Variants in C11orf65 observed in about 807,000 individuals in gnomAD.
C11orf65 encodes protein MFI.
In C11orf65, 38 loss-of-function variants were observed where a neutral mutation model predicts 35.3. That is an observed-to-expected ratio of 1.08 (90% CI 0.83 to 1.41). The LOEUF (loss-of-function observed/expected upper bound fraction) is 1.41, where lower values mean the gene tolerates loss of function less well. Ranked by LOEUF, C11orf65 falls within the 40% of genes most tolerant of loss-of-function variation. The pLI is 0.00. For missense variants in C11orf65, 370 were observed against 367.1 expected (o/e 1.01, Z -0.06); for synonymous variants, 105 against 114.4 (o/e 0.92, Z 0.53).
At chr11:108,445,034 C>A (rs1299907628) in intron 2 of C11orf65, among the ~76,000 whole-genome samples, 1 of 152,192 alleles carries the variant, frequency 6.6e-6, no homozygotes, top group Non-Finnish European at 1.5e-5. Context: ...GATCAAACTG[C>A]AAGGCAGCAG....
At chr11:108,375,041 G>C (rs2091684846) in intron 2 of C11orf65, among the ~76,000 whole-genome samples, 1 of 152,172 alleles carries the variant, frequency 6.6e-6, no homozygotes, top group Non-Finnish European at 1.5e-5. Flanking sequence ...GGGGAGAATG[G>C]AACCAAGATG....
intron 2 of C11orf65, among the ~76,000 whole-genome samples, chr11:108,448,959 C>G (rs1457348056): frequency 2.0e-5 from 3 of 152,082 alleles, no homozygotes; most frequent in Admixed American, 2.0e-4. Context: ...AATCAATGTA[C>G]AAAAATCAGA....
At chr11:108,463,496 A>G (rs1029935899) in intron 1 of C11orf65, among the ~76,000 whole-genome samples, 1 of 152,198 alleles carries the variant, frequency 6.6e-6, no homozygotes, top group Non-Finnish European at 1.5e-5. Flanking sequence ...TAGCCTTATT[A>G]ATATAGGAGG....
intron 3 of C11orf65, among the ~76,000 whole-genome samples, chr11:108,417,502 G>A (rs1341059184): frequency 2.6e-5 from 4 of 151,496 alleles, no homozygotes; most frequent in East Asian, 1.9e-4. Flanking sequence ...GAGATAGATA[G>A]TGCCACTTCA....
Position 108,424,577 on chromosome 11 carries a change from C to T in C11orf65, c.174+7169G>A, listed in dbSNP as rs181953177. On this transcript the variant is annotated intron_variant, in intron 3 of 8. Coordinates refer to ENST00000393084, the MANE Select transcript of C11orf65 (RefSeq NM_152587.5). ...CAATAATTATGGGAGACTTTAACAC[C>T]CCCCTGTCAACATTAGACAGATCAA... Among the ~76,000 whole-genome samples the T allele has an allele frequency of 1.3e-3, 195 of 152,072 alleles. 1 individual carries two copies. Among genetic ancestry groups the T allele is most frequent in the African/African-American group, 4.4e-3 (181 of 41,476 alleles).
At chr11:108,442,269 T>C (rs2093166791) in intron 2 of C11orf65, among the ~76,000 whole-genome samples, 1 of 151,752 alleles carries the variant, frequency 6.6e-6, no homozygotes, top group Admixed American at 6.6e-5. Flanking sequence ...GAAGAGAAGT[T>C]TAGAGAAAAA....
intron 2 of C11orf65, among the ~76,000 whole-genome samples, chr11:108,356,622 A>G (rs770682300): frequency 1.5e-4 from 23 of 151,580 alleles, no homozygotes; most frequent in Non-Finnish European, 3.4e-4. Flanking sequence ...ATTTTACTCT[A>G]CCTAGTTTCA....
At chr11:108,377,935 G>A (rs1323403754), downstream of C11orf65, among the ~76,000 whole-genome samples, 2 of 151,704 alleles carry the variant, frequency 1.3e-5, no homozygotes, top group Non-Finnish European at 1.5e-5. Flanking sequence ...GGATGTGAAG[G>A]ACCTCTTCAA....
chr11:108,314,982 A>G (rs746965297), intron 6 of C11orf65, among the ~76,000 whole-genome samples: 2 of 152,192 alleles, frequency 1.3e-5, no homozygotes, highest in Non-Finnish European at 1.5e-5. Context: ...GTATCAAACA[A>G]TTCACCTTTT....
At chr11:108,440,676 T>C (rs1471385730) in intron 2 of C11orf65, among the ~76,000 whole-genome samples, 1 of 152,206 alleles carries the variant, frequency 6.6e-6, no homozygotes, top group Non-Finnish European at 1.5e-5. Flanking sequence ...CCTTCCTACA[T>C]GGTGGCTGTT....
At chr11:108,386,089 A>G in intron 7 of C11orf65, 114 bp from the exon 8 acceptor site, 1 of 822,848 alleles carries the variant, frequency 1.2e-6, no homozygotes, top group Non-Finnish European at 2.0e-6. Context: ...CATGTTCACT[A>G]GCCTCCATGT....
At chr11:108,373,827 C>T (rs572915286) in intron 2 of C11orf65, among the ~76,000 whole-genome samples, 1 of 152,254 alleles carries the variant, frequency 6.6e-6, no homozygotes, top group Non-Finnish European at 1.5e-5. Flanking sequence ...CACCCGAATA[C>T]TGCGCTTTTC....
intron 6 of C11orf65, among the ~76,000 whole-genome samples, chr11:108,324,839 T>C (rs1028539972): frequency 2.0e-5 from 3 of 152,196 alleles, no homozygotes; most frequent in African/African-American, 7.2e-5. Context: ...AGATGCCAGC[T>C]TTTCCTTCAC....
chr11:108,356,540 T>TA (rs374615780), intron 2 of C11orf65, among the ~76,000 whole-genome samples: 15,725 of 97,500 alleles, frequency 0.16, 1,222 homozygotes, highest in Non-Finnish European at 0.21. Flanking sequence ...CTGTCTGTCT[T>TA]AAAAAAAAAA....
At chr11:108,358,508 T>A (rs1348514249) in intron 2 of C11orf65, among the ~76,000 whole-genome samples, 1 of 146,226 alleles carries the variant, frequency 6.8e-6, no homozygotes, top group African/African-American at 2.5e-5. Context: ...TTCACCAAAG[T>A]TGAAATGAAG....
At chr11:108,368,467 A>C (rs1461412152) in intron 2 of C11orf65, 1 of 212,868 alleles carries the variant, frequency 4.7e-6, no homozygotes, top group African/African-American at 2.3e-5. Flanking sequence ...TTTACTTTGC[A>C]AGATTAGTGA....
intron 6 of C11orf65, among the ~76,000 whole-genome samples, chr11:108,318,691 A>T (rs891255395): frequency 1.9e-4 from 29 of 152,074 alleles, no homozygotes; most frequent in African/African-American, 6.0e-4. Context: ...TCTGTCTCAA[A>T]AAAACAAAAA....
At chr11:108,324,516 T>G (rs1240440196) in intron 6 of C11orf65, among the ~76,000 whole-genome samples, 2 of 152,142 alleles carry the variant, frequency 1.3e-5, no homozygotes, top group African/African-American at 4.8e-5. Context: ...TGTTTGATTG[T>G]AAAGGAGTTC....
At chr11:108,406,996 A>C in intron 4 of C11orf65, 33 bp from the exon 5 acceptor site, 2 of 1,573,626 alleles carry the variant, frequency 1.3e-6, no homozygotes, top group Non-Finnish European at 1.7e-6. Context: ...AGCCATTGTA[A>C]TGTAACTACA....
Sources: gnomAD v4.1 joint callset for allele counts (sites outside exome capture counted in the v4.1 genomes callset) on GRCh38, gnomAD v4.1.1 for gene constraint, MANE v1.5 for transcripts, NCBI Gene and HGNC (gene_info 2026-07-23, HGNC 2026-07-21) for gene names.